The following KAT2B variants were observed in gnomAD, a reference collection of about 807,000 sequenced individuals.
KAT2B encodes lysine acetyltransferase 2B, also known as histone acetyltransferase KAT2B.
Under a neutral mutation model 105.9 loss-of-function variants are expected in KAT2B, and 36 were observed. That is an observed-to-expected ratio of 0.34 (90% CI 0.26 to 0.45). KAT2B has a LOEUF of 0.45. KAT2B is among the 20% of genes least tolerant of loss of function. The pLI, the probability that KAT2B is intolerant of heterozygous loss-of-function variation, is 1.00. For missense variants in KAT2B, 820 were observed against 1,021.6 expected (o/e 0.80, Z 2.69); for synonymous variants, 397 against 377.9 (o/e 1.05, Z -0.59).
chr3:20,107,341 A>G (rs1259771987), intron 5 of KAT2B, among the ~76,000 whole-genome samples: 2 of 150,012 alleles, frequency 1.3e-5, no homozygotes, highest in Non-Finnish European at 3.0e-5. Flanking sequence ...AATAATATAT[A>G]TATTTTTTAC....
chr3:20,139,595 A>T (rs1348834301), intron 12 of KAT2B, among the ~76,000 whole-genome samples: 1 of 151,910 alleles, frequency 6.6e-6, no homozygotes, highest in African/African-American at 2.4e-5. Context: ...CTTAAGGCAA[A>T]TTATGTTTAT....
chr3:20,049,291 C>T (rs1697872530), intron 1 of KAT2B, among the ~76,000 whole-genome samples: 1 of 152,182 alleles, frequency 6.6e-6, no homozygotes, highest in South Asian at 2.1e-4. Flanking sequence ...AGGCATTCCA[C>T]AAATGTCTAT....
At chr3:20,125,456 A>G (rs1699384949) in intron 9 of KAT2B, among the ~76,000 whole-genome samples, 1 of 152,222 alleles carries the variant, frequency 6.6e-6, no homozygotes, top group Admixed American at 6.5e-5. Context: ...CACAGGCCAC[A>G]TTTTGTCTGC....
chr3:20,101,217 G>T lies in KAT2B; in HGVS notation c.670-70G>T, dbSNP rs79262878. ...TTTGCTAATAACCACCAATCATGCT[G>T]GCTGTGTGGGTGTTCAGAATTAGTA... On this transcript the variant is annotated intron_variant, in intron 4 of 17. Transcript: ENST00000263754. The T allele has an allele frequency of 0.055, 67,889 of 1,239,692 alleles. 2,200 individuals carry two copies. The highest frequency in any genetic ancestry group is 0.087 in the South Asian group (6,549 of 75,688). The allele number at this position is 1,239,692 out of a possible 1,614,324, so 76.8% of individuals were successfully genotyped here.
At chr3:20,115,076 C>G in intron 7 of KAT2B, 88 bp downstream of exon 7, 1 of 780,830 alleles carries the variant, frequency 1.3e-6, no homozygotes, top group African/African-American at 1.7e-5. Context: ...ATACTTAGCT[C>G]TATAGTCAAA....
At chr3:20,061,965 ATATATAT>A (rs1483324339) in intron 1 of KAT2B, among the ~76,000 whole-genome samples, 21 of 99,160 alleles carry the variant, frequency 2.1e-4, no homozygotes, top group Non-Finnish European at 3.9e-4. Flanking sequence ...ATAAAACATA[ATATATAT>A]TATATATAAA....
Position 20,126,103 on chromosome 3 carries a change from G to A in KAT2B, c.1612G>A (p.Val538Ile), listed in dbSNP as rs759100700. 1.2e-5 allele frequency: 19 copies of A among 1,599,678 alleles called. No homozygotes were observed. In the African/African-American group the frequency reaches 1.2e-4, roughly 10 times the overall value. The change falls in exon 10 of 18, where the codon GTC (valine) becomes ATC (isoleucine). Residue 538 changes from valine to isoleucine, a missense_variant. Transcript: ENST00000263754. ...GCCAAAAGAATACATCACACGGCTC[G>A]TCTTTGACCCGTAAGTGGTACTTTC... ...RMPKEYITRL[V>I]FDPKHKTLAL...
intron 17 of KAT2B, among the ~76,000 whole-genome samples, chr3:20,150,401 T>C (rs1699852254): frequency 6.6e-6 from 1 of 152,182 alleles, no homozygotes; most frequent in Non-Finnish European, 1.5e-5. Context: ...AAACTGTTTC[T>C]CTCATATGGA....
chr3:20,151,707 C>A (rs966258866), intron 17 of KAT2B, among the ~76,000 whole-genome samples: 2 of 152,110 alleles, frequency 1.3e-5, no homozygotes, highest in Non-Finnish European at 2.9e-5. Flanking sequence ...GGGAAATATT[C>A]TTTGCAATAG....
chr3:20,118,958 C>T (rs1294440491), intron 7 of KAT2B, among the ~76,000 whole-genome samples: 1 of 151,748 alleles, frequency 6.6e-6, no homozygotes, highest in African/African-American at 2.4e-5. Flanking sequence ...GTTACCTAAG[C>T]TATATGCTGT....
chr3:20,149,709 C>G (rs1699839524), intron 17 of KAT2B, among the ~76,000 whole-genome samples: 1 of 152,002 alleles, frequency 6.6e-6, no homozygotes, highest in Admixed American at 6.6e-5. Context: ...TTTTCTTTCT[C>G]TCTTCTCTCT....
chr3:20,067,130 T>C (rs768632240), intron 1 of KAT2B, among the ~76,000 whole-genome samples: 3 of 152,152 alleles, frequency 2.0e-5, no homozygotes, highest in Admixed American at 2.0e-4. Context: ...TCTCAGTCAT[T>C]ATGAACAAAA....
intron 13 of KAT2B, among the ~76,000 whole-genome samples, chr3:20,144,204 G>A (rs1472838215): frequency 1.8e-5 from 2 of 110,402 alleles, no homozygotes; most frequent in Non-Finnish European, 3.2e-5. Flanking sequence ...TGAAGAGAAG[G>A]AAACTTTCAA....
intron 2 of KAT2B, among the ~76,000 whole-genome samples, chr3:20,083,878 A>G (rs1195717356): frequency 1.3e-5 from 2 of 152,126 alleles, no homozygotes; most frequent in African/African-American, 4.8e-5. Context: ...TGAGGAGTTC[A>G]GTCTTTGAGT....
chr3:20,132,176 A>G (rs1327393815), intron 11 of KAT2B, among the ~76,000 whole-genome samples: 4 of 152,076 alleles, frequency 2.6e-5, no homozygotes, highest in African/African-American at 9.7e-5. Flanking sequence ...GGAGTTTGAG[A>G]CCAGCCTGAC....
intron 1 of KAT2B, among the ~76,000 whole-genome samples, chr3:20,061,366 T>A (rs1698097193): frequency 6.6e-6 from 1 of 152,208 alleles, no homozygotes; most frequent in Non-Finnish European, 1.5e-5. Context: ...TTTACTTATT[T>A]ATTCATCTCT....
rs2365794 is a variant in KAT2B, at chr3:20,114,810, T to G, written c.1044-72T>G. 1.0e-5 allele frequency: 8 copies of G among 773,100 alleles called. No individual in the cohort carries two copies. In the African/African-American group the frequency reaches 1.0e-4, roughly 10 times the overall value. 47.9% of individuals were successfully genotyped at this position (773,100 alleles called of 1,614,324 possible). On this transcript the variant is annotated intron_variant, in intron 6 of 17. Coordinates refer to ENST00000263754, the MANE Select transcript of KAT2B (RefSeq NM_003884.5). ...TGAGACGCTGATGTTAAGGTGATTG[T>G]CACAGATAATTAGGGCTGTTATCCT...
At chr3:20,109,470 A>G (rs1042065756) in intron 5 of KAT2B, among the ~76,000 whole-genome samples, 4 of 152,106 alleles carry the variant, frequency 2.6e-5, no homozygotes, top group Admixed American at 6.5e-5. Flanking sequence ...GTATGTGCCA[A>G]TACATCTGGC....
chr3:20,070,456 C>T (rs1425674946), intron 1 of KAT2B, among the ~76,000 whole-genome samples: 1 of 151,408 alleles, frequency 6.6e-6, no homozygotes, highest in Non-Finnish European at 1.5e-5. Flanking sequence ...AGGCGCCTGC[C>T]ACCACGCCCG....
Sources: allele counts gnomAD v4.1 joint callset (sites outside exome capture counted in the v4.1 genomes callset), GRCh38; gene constraint gnomAD v4.1.1; transcripts MANE v1.5; gene names NCBI Gene and HGNC (gene_info 2026-07-23, HGNC 2026-07-21).